The following LINGO2 variants were observed in gnomAD, a reference collection of about 807,000 sequenced individuals.
LINGO2 encodes the protein leucine rich repeat and Ig domain containing 2.
In LINGO2, 14 loss-of-function variants were observed where a neutral mutation model predicts 30.6. The observed-to-expected ratio is 0.46, with a 90% CI of 0.30 to 0.72. LINGO2 has a LOEUF of 0.72. Ranked by LOEUF, LINGO2 falls within the 30% of genes least tolerant of loss-of-function variation. The pLI, the probability that LINGO2 is intolerant of heterozygous loss-of-function variation, is 0.07. For missense variants in LINGO2, 729 were observed against 751.7 expected (o/e 0.97, Z 0.35); for synonymous variants, 317 against 288.5 (o/e 1.10, Z -1.00).
rs150102160 is a variant in LINGO2, at chr9:28,461,396, G to T, written c.-279+14544C>A. 1.3e-3 allele frequency among the ~76,000 whole-genome samples: 203 copies of T among 152,104 alleles called. 2 individuals are homozygous for T. Among genetic ancestry groups the T allele is most frequent in the African/African-American group, 4.7e-3 (195 of 41,478 alleles). On this transcript the variant is annotated intron_variant, in intron 2 of 5. Transcript: ENST00000379992. ...AAATGGTGTTTCCTGGCCATACAGG[G>T]TATCTTAAATTTGTGTTTACTCCAT...
chr9:28,889,999 A>C, the LINGO2 span, among the ~76,000 whole-genome samples: 29 of 152,090 alleles, frequency 1.9e-4, no homozygotes, highest in African/African-American at 6.8e-4. Flanking sequence ...CTGTTCACAC[A>C]CAGGGTCTCT....
chr9:28,549,044 C>T (rs1822120259), intron 1 of LINGO2, among the ~76,000 whole-genome samples: 3 of 151,932 alleles, frequency 2.0e-5, no homozygotes, highest in Admixed American at 6.6e-5. Flanking sequence ...AAATATTAAC[C>T]TGTATACAGT....
chr9:28,167,818 A>G (rs1355201646), intron 4 of LINGO2, among the ~76,000 whole-genome samples: 1 of 152,242 alleles, frequency 6.6e-6, no homozygotes, highest in Non-Finnish European at 1.5e-5. Flanking sequence ...GGCATCCTAC[A>G]GATAAAAGAG....
chr9:27,948,360 A>C (rs752777995), exon 6 of LINGO2: 1 of 154,256 alleles, frequency 6.5e-6, no homozygotes, highest in African/African-American at 2.4e-5. Context: ...AAGGAAGAAA[A>C]GAATATATTG....
At chr9:28,996,486 G>A in the LINGO2 span, among the ~76,000 whole-genome samples, 3 of 152,298 alleles carry the variant, frequency 2.0e-5, no homozygotes, top group East Asian at 3.9e-4. Flanking sequence ...AACCATCTAT[G>A]ACATTTCATT....
intron 5 of LINGO2, among the ~76,000 whole-genome samples, chr9:28,000,543 C>T (rs1821896277): frequency 6.6e-6 from 1 of 152,190 alleles, no homozygotes; most frequent in South Asian, 2.1e-4. Context: ...TTACATGGTT[C>T]CATGCTTGTC....
chr9:28,231,463 T>C (rs10968396), intron 4 of LINGO2, among the ~76,000 whole-genome samples: 33,878 of 151,982 alleles, frequency 0.22, 3,991 homozygotes, highest in African/African-American at 0.29. Flanking sequence ...ATTTAAGAAA[T>C]GTTTAATTTT....
intron 3 of LINGO2, among the ~76,000 whole-genome samples, chr9:28,307,589 G>T (rs1432921177): frequency 1.3e-5 from 2 of 152,114 alleles, no homozygotes; most frequent in Non-Finnish European, 2.9e-5. Flanking sequence ...GGGCAATTAG[G>T]CAGGAGAAGG....
chr9:28,534,100 C>A (rs1348483524), intron 1 of LINGO2, among the ~76,000 whole-genome samples: 1 of 151,958 alleles, frequency 6.6e-6, no homozygotes, highest in Non-Finnish European at 1.5e-5. Flanking sequence ...TTAAGCATAC[C>A]CCTTACCTGG....
chr9:28,696,271 C>G, the LINGO2 span, among the ~76,000 whole-genome samples: 3 of 151,910 alleles, frequency 2.0e-5, no homozygotes, highest in Admixed American at 2.0e-4. Context: ...TTTGGGTTCA[C>G]TTTTTAAAGG....
intron 1 of LINGO2, among the ~76,000 whole-genome samples, chr9:28,498,743 G>A (rs9298899): frequency 0.15 from 23,375 of 152,000 alleles, 1,966 homozygotes; most frequent in East Asian, 0.21. Flanking sequence ...CATCTTCTGC[G>A]TCGCTCATGC....
chr9:28,896,278 T>C, the LINGO2 span, among the ~76,000 whole-genome samples: 7 of 152,266 alleles, frequency 4.6e-5, no homozygotes, highest in South Asian at 1.2e-3. Flanking sequence ...TTTTCTTATA[T>C]CCCATTCCAA....
intron 2 of LINGO2, among the ~76,000 whole-genome samples, chr9:28,398,551 A>G (rs1346810950): frequency 6.6e-6 from 1 of 152,128 alleles, no homozygotes; most frequent in Non-Finnish European, 1.5e-5. Flanking sequence ...AAAAGAATTA[A>G]GCAATATAGG....
chr9:27,979,040 T>C (rs1429595965), intron 5 of LINGO2, among the ~76,000 whole-genome samples: 1 of 152,024 alleles, frequency 6.6e-6, no homozygotes, highest in Non-Finnish European at 1.5e-5. Context: ...AATGTTAGAA[T>C]TGGAATTTGA....
intron 1 of LINGO2, among the ~76,000 whole-genome samples, chr9:28,629,741 T>C (rs1485469482): frequency 1.3e-5 from 2 of 152,004 alleles, no homozygotes; most frequent in Admixed American, 6.6e-5. Flanking sequence ...AAACTAAGGA[T>C]ACTTTAAAGA....
chr9:29,204,615 G>A, the LINGO2 span, among the ~76,000 whole-genome samples: 104 of 152,272 alleles, frequency 6.8e-4, no homozygotes, highest in African/African-American at 2.3e-3. Flanking sequence ...ATTTTCTCAT[G>A]ATGGTATTTA....
At chr9:28,825,524 TC>T in the LINGO2 span, among the ~76,000 whole-genome samples, 2 of 151,694 alleles carry the variant, frequency 1.3e-5, no homozygotes, top group African/African-American at 4.8e-5. Context: ...AAGGTTGCCA[TC>T]CTGAGTTTCC....
chr9:28,771,798 T>C, the LINGO2 span, among the ~76,000 whole-genome samples: 2 of 152,170 alleles, frequency 1.3e-5, no homozygotes, highest in Non-Finnish European at 2.9e-5. Context: ...ACTATTAGAT[T>C]TGATCTTTAG....
the LINGO2 span, among the ~76,000 whole-genome samples, chr9:28,800,596 C>T: frequency 6.6e-6 from 1 of 152,060 alleles, no homozygotes; most frequent in South Asian, 2.1e-4. Flanking sequence ...TGAAGGCACT[C>T]AGAAGATTAA....
Sources: gnomAD v4.1 joint callset for allele counts (sites outside exome capture counted in the v4.1 genomes callset) on GRCh38, gnomAD v4.1.1 for gene constraint, MANE v1.5 for transcripts, NCBI Gene and HGNC (gene_info 2026-07-23, HGNC 2026-07-21) for gene names.